AFG1L: variants seen among roughly 807,000 people sequenced by gnomAD.
AFG1L encodes AFG1 like ATPase.
A neutral mutation model predicts 62.2 loss-of-function variants in AFG1L; 53 were observed. The ratio of observed to expected loss-of-function variants is 0.85; its 90% confidence interval spans 0.68 to 1.07. The LOEUF (loss-of-function observed/expected upper bound fraction) is 1.07, where lower values mean the gene tolerates loss of function less well. AFG1L is among the 50% of genes least tolerant of loss of function. The pLI is 0.00. For synonymous variants in AFG1L, 228 were observed against 210.3 expected (o/e 1.08, Z -0.73); for missense variants, 555 against 590.5 (o/e 0.94, Z 0.62).
chr6:108,402,418 C>T (rs550234432), intron 7 of AFG1L, among the ~76,000 whole-genome samples: 17 of 145,548 alleles, frequency 1.2e-4, no homozygotes, highest in African/African-American at 4.1e-4. Context: ...GAGCCGAGAT[C>T]ACGCCACTAC....
At chr6:108,359,185 A>G (rs1053572677) in intron 5 of AFG1L, 1 of 152,184 alleles carries the variant, frequency 6.6e-6, no homozygotes, top group South Asian at 2.1e-4. Context: ...AGGGCTTACA[A>G]GAGTCATAAT....
intron 7 of AFG1L, among the ~76,000 whole-genome samples, chr6:108,415,965 AC>A (rs1178903686): frequency 2.0e-5 from 3 of 152,236 alleles, no homozygotes; most frequent in Admixed American, 2.0e-4. Flanking sequence ...AAAAGAAACT[AC>A]CATCAGAGTG....
chr6:108,431,440 CA>C (rs1771067913), intron 7 of AFG1L, among the ~76,000 whole-genome samples: 1 of 151,866 alleles, frequency 6.6e-6, no homozygotes, highest in Non-Finnish European at 1.5e-5. Context: ...CTAAAGATTA[CA>C]AATACTATAT....
chr6:108,363,389 AG>A (rs1369074773), intron 5 of AFG1L, among the ~76,000 whole-genome samples: 1 of 152,054 alleles, frequency 6.6e-6, no homozygotes, highest in Non-Finnish European at 1.5e-5. Context: ...TCTACACTCA[AG>A]TAGGCGCATT....
intron 10 of AFG1L, among the ~76,000 whole-genome samples, chr6:108,495,596 A>G (rs1773944048): frequency 6.6e-6 from 1 of 152,254 alleles, no homozygotes; most frequent in Non-Finnish European, 1.5e-5. Flanking sequence ...TCGATACCAA[A>G]GCAGACAACT....
chr6:108,475,493 A>G (rs928881746), intron 8 of AFG1L, among the ~76,000 whole-genome samples: 2 of 152,262 alleles, frequency 1.3e-5, no homozygotes, highest in Admixed American at 6.5e-5. Context: ...GCTTGGCATG[A>G]CCATTGACAT....
intron 7 of AFG1L, among the ~76,000 whole-genome samples, chr6:108,413,131 AAC>A (rs1782194898): frequency 6.6e-6 from 1 of 152,198 alleles, no homozygotes; most frequent in Non-Finnish European, 1.5e-5. Flanking sequence ...TCTCTCATAA[AAC>A]AGACTTTAAA....
intron 7 of AFG1L, among the ~76,000 whole-genome samples, chr6:108,413,238 T>C (rs1782199711): frequency 6.6e-6 from 1 of 152,098 alleles, no homozygotes; most frequent in Non-Finnish European, 1.5e-5. Flanking sequence ...ATGTATGCAC[T>C]CAATACGGGA....
At position 108,301,178 on chromosome 6, in the gene AFG1L, T is replaced by G. The variant is rs2114817715; in HGVS notation, c.139+5960T>G. 1.3e-5 allele frequency among the ~76,000 whole-genome samples: 2 copies of G among 152,298 alleles called. 1 individual carries two copies. The highest frequency in any genetic ancestry group is 4.1e-4 in the South Asian group (2 of 4,824). ...CCAGGGGTCACTCTCATCGCCATCT[T>G]GGTTTTGCCTGGCTTCTTTACTGCA... is the stretch of plus-strand genomic sequence containing the variant. On this transcript the variant is annotated intron_variant, in intron 1 of 12. Coordinates refer to ENST00000368977, the MANE Select transcript of AFG1L (RefSeq NM_145315.5).
intron 3 of AFG1L, among the ~76,000 whole-genome samples, chr6:108,352,481 A>G (rs1202748756): frequency 6.6e-6 from 1 of 152,192 alleles, no homozygotes; most frequent in Non-Finnish European, 1.5e-5. Flanking sequence ...TACACTTTAA[A>G]TCCTCTAGAT....
intron 8 of AFG1L, among the ~76,000 whole-genome samples, chr6:108,448,638 C>T (rs1232811159): frequency 2.0e-5 from 3 of 152,082 alleles, no homozygotes; most frequent in Non-Finnish European, 4.4e-5. Flanking sequence ...GGTGAAAAGG[C>T]TACTTTTGCT....
chr6:108,319,564 C>G (rs1235858807), intron 1 of AFG1L: 1 of 162,486 alleles, frequency 6.2e-6, no homozygotes, highest in Non-Finnish European at 1.3e-5. Context: ...CAGGCGTGAG[C>G]CACTGTGCTT....
intron 7 of AFG1L, among the ~76,000 whole-genome samples, chr6:108,420,267 A>T (rs1770526655): frequency 1.3e-5 from 2 of 151,968 alleles, no homozygotes; most frequent in South Asian, 4.1e-4. Flanking sequence ...AATTGGAAAG[A>T]GTTGTTGCTT....
At chr6:108,504,195 T>G (rs1442284894) in intron 10 of AFG1L, among the ~76,000 whole-genome samples, 1 of 152,200 alleles carries the variant, frequency 6.6e-6, no homozygotes, top group Non-Finnish European at 1.5e-5. Flanking sequence ...GGCTAACTGT[T>G]TGGCTCAAGA....
At chr6:108,485,633 T>TATATATATATATTTTTTAA (rs1773513510) in intron 10 of AFG1L, among the ~76,000 whole-genome samples, 1 of 13,788 alleles carries the variant, frequency 7.3e-5, no homozygotes, top group African/African-American at 3.1e-4. Flanking sequence ...TAAATATATA[T>TATATATATATATTTTTTAA]ATATATATAT....
At chr6:108,319,352 C>A (rs1777725421) in intron 1 of AFG1L, among the ~76,000 whole-genome samples, 1 of 152,150 alleles carries the variant, frequency 6.6e-6, no homozygotes, top group Non-Finnish European at 1.5e-5. Flanking sequence ...GTTATCCTCC[C>A]ACCTTAGCCC....
At chr6:108,378,736 G>C (rs541880804) in intron 6 of AFG1L, among the ~76,000 whole-genome samples, 30 of 152,244 alleles carry the variant, frequency 2.0e-4, no homozygotes, top group African/African-American at 7.0e-4. Context: ...CATGGTGCCA[G>C]AATTCTTGTG....
At chr6:108,411,274 G>A (rs1030293300) in intron 7 of AFG1L, among the ~76,000 whole-genome samples, 7 of 152,216 alleles carry the variant, frequency 4.6e-5, no homozygotes, top group Non-Finnish European at 1.5e-5. Context: ...AGCTCGAACT[G>A]GGTGGAGCCC....
intron 1 of AFG1L, chr6:108,319,932 G>A (rs1011102113): frequency 5.7e-6 from 1 of 175,700 alleles, no homozygotes; most frequent in Non-Finnish European, 1.2e-5. Context: ...TTGGGAAATA[G>A]GGGTGGTGTG....
Sources: allele counts gnomAD v4.1 joint callset (sites outside exome capture counted in the v4.1 genomes callset), GRCh38; gene constraint gnomAD v4.1.1; transcripts MANE v1.5; gene names NCBI Gene and HGNC (gene_info 2026-07-23, HGNC 2026-07-21).